Variants in EPHA5 observed in about 807,000 individuals in gnomAD.
The protein encoded by EPHA5 is ephrin type-A receptor 5.
In EPHA5, 60 loss-of-function variants were observed where a neutral mutation model predicts 105.0. The observed-to-expected ratio is 0.57, with a 90% confidence interval of 0.46 to 0.71. The LOEUF is 0.71. Ranked by LOEUF, EPHA5 falls within the 30% of genes least tolerant of loss-of-function variation. EPHA5 has a pLI of 0.00. For missense variants in EPHA5, 1,218 were observed against 1,274.7 expected (o/e 0.96, Z 0.68); for synonymous variants, 513 against 449.1 (o/e 1.14, Z -1.80).
intron 3 of EPHA5, among the ~76,000 whole-genome samples, chr4:65,513,710 A>C (rs575539526): frequency 1.3e-5 from 2 of 152,182 alleles, no homozygotes; most frequent in South Asian, 4.1e-4. Flanking sequence ...AGTACTTCTA[A>C]ATCTTTCACT....
chr4:65,577,793 G>GA (rs1249199936), intron 3 of EPHA5, among the ~76,000 whole-genome samples: 2 of 151,840 alleles, frequency 1.3e-5, no homozygotes, highest in African/African-American at 2.4e-5. Context: ...TCATGTTAAA[G>GA]AAAAAAAGGT....
chr4:65,451,890 C>G (rs945935307), intron 5 of EPHA5, among the ~76,000 whole-genome samples: 2 of 152,172 alleles, frequency 1.3e-5, no homozygotes, highest in African/African-American at 4.8e-5. Flanking sequence ...ATTGAGGTGA[C>G]TGGCTGCTGC....
chr4:65,582,919 C>T (rs1741776694), intron 3 of EPHA5, among the ~76,000 whole-genome samples: 2 of 151,652 alleles, frequency 1.3e-5, no homozygotes, highest in Admixed American at 1.3e-4. Context: ...ATTACCTCCA[C>T]ATTTGCTTTC....
chr4:65,617,848 C>T (rs1428771413), intron 2 of EPHA5, among the ~76,000 whole-genome samples: 1 of 152,058 alleles, frequency 6.6e-6, no homozygotes, highest in Non-Finnish European at 1.5e-5. Context: ...CTAATTATCA[C>T]TAGGAAGTGA....
At chr4:65,476,125 AGAGTGT>A (rs1279835444) in intron 5 of EPHA5, among the ~76,000 whole-genome samples, 22 of 132,340 alleles carry the variant, frequency 1.7e-4, no homozygotes, top group African/African-American at 2.3e-4. Flanking sequence ...AGAGAGAGAG[AGAGTGT>A]GTGTGTGTGT....
intron 13 of EPHA5, among the ~76,000 whole-genome samples, chr4:65,348,696 AT>A: frequency 1.3e-4 from 3 of 22,980 alleles, no homozygotes; most frequent in African/African-American, 3.3e-4. Flanking sequence ...ATATATATAT[AT>A]AAAATATATA....
At chr4:65,480,522 T>C (rs527482285) in intron 5 of EPHA5, among the ~76,000 whole-genome samples, 1 of 152,132 alleles carries the variant, frequency 6.6e-6, no homozygotes, top group Non-Finnish European at 1.5e-5. Context: ...GGCTTTCTGC[T>C]GATGAAAGTG....
chr4:65,445,520 A>G (rs1726433867), intron 5 of EPHA5, among the ~76,000 whole-genome samples: 1 of 152,102 alleles, frequency 6.6e-6, no homozygotes, highest in Non-Finnish European at 1.5e-5. Flanking sequence ...TGCCAACAGG[A>G]CTGTGAGCAT....
intron 3 of EPHA5, among the ~76,000 whole-genome samples, chr4:65,513,994 T>C (rs1733871304): frequency 6.6e-6 from 1 of 152,150 alleles, no homozygotes; most frequent in Admixed American, 6.5e-5. Context: ...CTTAAAACTA[T>C]CAGTAAATTC....
chr4:65,605,790 T>C (rs1035692353), intron 2 of EPHA5, among the ~76,000 whole-genome samples: 1 of 152,088 alleles, frequency 6.6e-6, no homozygotes, highest in Non-Finnish European at 1.5e-5. Context: ...TAGTCCCAGC[T>C]CTTATAATAT....
At chr4:65,648,004 T>C (rs918516106) in intron 1 of EPHA5, among the ~76,000 whole-genome samples, 18 of 152,196 alleles carry the variant, frequency 1.2e-4, no homozygotes, top group Non-Finnish European at 2.1e-4. Flanking sequence ...TAGTCTTTAG[T>C]ATGCTTTAAT....
intron 2 of EPHA5, among the ~76,000 whole-genome samples, chr4:65,615,342 C>T (rs1745137174): frequency 6.6e-6 from 1 of 151,706 alleles, no homozygotes; most frequent in African/African-American, 2.4e-5. Context: ...AAGTTCATGC[C>T]TAGATACTTG....
intron 5 of EPHA5, among the ~76,000 whole-genome samples, chr4:65,432,395 C>G (rs928293826): frequency 6.6e-6 from 1 of 152,016 alleles, no homozygotes; most frequent in South Asian, 2.1e-4. Context: ...CTTAAAAATA[C>G]TGGAAATAAG....
rs543376373 is a variant in EPHA5, at chr4:65,564,804, CAATT to C, written c.910+36833_910+36836del. On this transcript the variant is annotated intron_variant, in intron 3 of 16. Transcript: ENST00000613740. ...TGATACATATATACTTTTATAGAAA[CAATT>C]AATAATGCAAGGACACAGCATTACT... Among the ~76,000 whole-genome samples, 264 of 151,784 alleles carry C rather than the reference CAATT, an allele frequency of 1.7e-3. 1 individual carries two copies. The highest frequency in any genetic ancestry group is 6.0e-3 in the African/African-American group (249 of 41,494).
At chr4:65,427,138 A>T (rs1724513647) in intron 5 of EPHA5, among the ~76,000 whole-genome samples, 1 of 151,896 alleles carries the variant, frequency 6.6e-6, no homozygotes, top group African/African-American at 2.4e-5. Flanking sequence ...ATAGAGAGAC[A>T]ATTATATGTA....
intron 3 of EPHA5, among the ~76,000 whole-genome samples, chr4:65,585,573 A>G (rs1039626771): frequency 3.3e-5 from 5 of 151,946 alleles, no homozygotes; most frequent in Non-Finnish European, 5.9e-5. Context: ...GCAGGATACA[A>G]ATAAAACAAC....
At chr4:65,598,557 G>T in intron 3 of EPHA5, among the ~76,000 whole-genome samples, 1 of 152,114 alleles carries the variant, frequency 6.6e-6, no homozygotes, top group East Asian at 1.9e-4. Context: ...ACTAACAGGA[G>T]TAGAAAAAAT....
At chr4:65,446,975 A>ATTTTTTTTTTT (rs397993760) in intron 5 of EPHA5, among the ~76,000 whole-genome samples, 27 of 112,912 alleles carry the variant, frequency 2.4e-4, no homozygotes, top group Non-Finnish European at 3.4e-4. Context: ...TTAAAAGCTC[A>ATTTTTTTTTTT]TTTTTTTTTT....
chr4:65,556,070 A>T lies in EPHA5; in HGVS notation c.910+45571T>A, dbSNP rs114103883. ...ATGTGTGCAGAATTCATCAATTCTT[A>T]TTGATATTTTATAACATGAGAAAGA... On this transcript the variant is annotated intron_variant, in intron 3 of 16. Transcript: ENST00000613740. Among the ~76,000 whole-genome samples, 395 of 152,302 alleles carry T rather than the reference A, an allele frequency of 2.6e-3. 1 individual carries two copies. The highest frequency in any genetic ancestry group is 9.1e-3 in the African/African-American group (378 of 41,580).
Sources: allele counts gnomAD v4.1 joint callset (sites outside exome capture counted in the v4.1 genomes callset), GRCh38; gene constraint gnomAD v4.1.1; transcripts MANE v1.5; gene names NCBI Gene and HGNC (gene_info 2026-07-23, HGNC 2026-07-21).